RPS6KC1: variants seen among roughly 807,000 people sequenced by gnomAD.
RPS6KC1 encodes inactive ribosomal protein S6 kinase delta-1.
A neutral mutation model predicts 103.8 loss-of-function variants in RPS6KC1; 54 were observed. The observed-to-expected ratio is 0.52, with a 90% confidence interval of 0.42 to 0.65. The LOEUF is 0.65. Among genes scored for constraint, RPS6KC1 ranks in the 30% least tolerant of loss-of-function variants. RPS6KC1 has a pLI of 0.00. For synonymous variants in RPS6KC1, 439 were observed against 438.7 expected (o/e 1.00, Z -0.01); for missense variants, 1,151 against 1,253.8 (o/e 0.92, Z 1.24).
chr1:213,104,727 A>G (rs1266080783), intron 4 of RPS6KC1, among the ~76,000 whole-genome samples, 158 bp downstream of exon 4: 1 of 151,706 alleles, frequency 6.6e-6, no homozygotes, highest in Non-Finnish European at 1.5e-5. Context: ...TCCTATTTTT[A>G]GTATAGAAAT....
the RPS6KC1 span, among the ~76,000 whole-genome samples, chr1:213,605,126 GT>G: frequency 1.6e-3 from 237 of 152,138 alleles, 1 homozygote; most frequent in African/African-American, 5.4e-3. Context: ...CTTCTTGGTA[GT>G]TTTTTTAATT....
the RPS6KC1 span, among the ~76,000 whole-genome samples, chr1:213,296,036 T>C: frequency 6.0e-4 from 92 of 152,314 alleles, no homozygotes; most frequent in African/African-American, 2.1e-3. Context: ...GTAAAAAAAA[T>C]GCCAGTCATT....
intron 7 of RPS6KC1, among the ~76,000 whole-genome samples, chr1:213,168,987 C>A (rs1405121184): frequency 2.0e-5 from 3 of 152,082 alleles, no homozygotes. Flanking sequence ...AATCCCACTT[C>A]TGCATGTCAG....
the RPS6KC1 span, among the ~76,000 whole-genome samples, chr1:213,778,388 C>G: frequency 6.6e-6 from 1 of 152,122 alleles, no homozygotes; most frequent in Non-Finnish European, 1.5e-5. Flanking sequence ...TATGTGGACA[C>G]AAATGCACTT....
At chr1:213,382,491 G>C in the RPS6KC1 span, among the ~76,000 whole-genome samples, 2 of 151,244 alleles carry the variant, frequency 1.3e-5, no homozygotes, top group Non-Finnish European at 2.9e-5. Flanking sequence ...AATATTTCTG[G>C]GATGTAGGGG....
the RPS6KC1 span, among the ~76,000 whole-genome samples, chr1:213,493,641 T>C: frequency 2.0e-5 from 3 of 152,356 alleles, no homozygotes; most frequent in South Asian, 2.1e-4. Context: ...AAAATGTAGA[T>C]ACTAGGGGAG....
chr1:213,266,902 TCAAACAAACAAACAAA>T (rs66700615), intron 14 of RPS6KC1, among the ~76,000 whole-genome samples: 5,644 of 147,910 alleles, frequency 0.038, 326 homozygotes, highest in African/African-American at 0.12. Context: ...AGGCTCCGTC[TCAAACAAACAAACAAA>T]CAAACAAACA....
chr1:213,549,734 C>A, the RPS6KC1 span, among the ~76,000 whole-genome samples: 540 of 151,288 alleles, frequency 3.6e-3, 1 homozygote, highest in African/African-American at 0.013. Context: ...AAGTGTGACC[C>A]TGGGCCAGTT....
the RPS6KC1 span, among the ~76,000 whole-genome samples, chr1:213,733,239 G>T: frequency 4.1e-5 from 6 of 147,136 alleles, no homozygotes; most frequent in African/African-American, 7.5e-5. Flanking sequence ...TTTGGGTTTT[G>T]TTTTTTTTTT....
At chr1:213,205,614 A>G (rs1437569518) in intron 8 of RPS6KC1, among the ~76,000 whole-genome samples, 1 of 141,688 alleles carries the variant, frequency 7.1e-6, no homozygotes, top group Non-Finnish European at 1.5e-5. Flanking sequence ...TAGAATCAGC[A>G]TAGTATTTGA....
At chr1:213,448,426 T>C in the RPS6KC1 span, among the ~76,000 whole-genome samples, 4 of 151,980 alleles carry the variant, frequency 2.6e-5, no homozygotes. Context: ...CACATGCAAG[T>C]TTGAGCCTTC....
intron 12 of RPS6KC1, among the ~76,000 whole-genome samples, chr1:213,253,354 A>C (rs1045420828): frequency 6.6e-6 from 1 of 152,198 alleles, no homozygotes; most frequent in Admixed American, 6.5e-5. Context: ...GTCTTAACAC[A>C]TATCTGTAAA....
chr1:213,371,555 A>T, the RPS6KC1 span, among the ~76,000 whole-genome samples: 2 of 152,126 alleles, frequency 1.3e-5, no homozygotes, highest in African/African-American at 4.8e-5. Context: ...TTACGTTCCC[A>T]CCAACAGTGC....
At chr1:213,576,784 G>A in the RPS6KC1 span, among the ~76,000 whole-genome samples, 12 of 152,132 alleles carry the variant, frequency 7.9e-5, no homozygotes, top group African/African-American at 2.9e-4. Flanking sequence ...AAATGATTAA[G>A]CTTAGTGAGA....
chr1:213,828,682 G>A, the RPS6KC1 span, among the ~76,000 whole-genome samples: 2 of 152,062 alleles, frequency 1.3e-5, no homozygotes, highest in African/African-American at 4.8e-5. Context: ...AAGTTGTCTG[G>A]CCCAACCCCT....
chr1:213,339,538 G>A, the RPS6KC1 span, among the ~76,000 whole-genome samples: 54 of 152,282 alleles, frequency 3.5e-4, no homozygotes, highest in South Asian at 3.3e-3. Context: ...GCGATCATTC[G>A]GTGAGACCAT....
the RPS6KC1 span, among the ~76,000 whole-genome samples, chr1:213,302,798 T>C: frequency 7.9e-5 from 12 of 152,248 alleles, no homozygotes; most frequent in Non-Finnish European, 1.6e-4. Flanking sequence ...TGTGACATGC[T>C]TCTTGGTGCT....
the RPS6KC1 span, among the ~76,000 whole-genome samples, chr1:213,721,339 C>T: frequency 6.6e-6 from 1 of 152,188 alleles, no homozygotes; most frequent in African/African-American, 2.4e-5. Context: ...GGGAGGGACC[C>T]AGTGGGAGAT....
At chr1:213,699,181 A>G in the RPS6KC1 span, among the ~76,000 whole-genome samples, 1 of 152,030 alleles carries the variant, frequency 6.6e-6, no homozygotes, top group South Asian at 2.1e-4. Flanking sequence ...TGTACCCATT[A>G]ACCATCCCCA....
Sources: gnomAD v4.1 joint callset for allele counts (sites outside exome capture counted in the v4.1 genomes callset) on GRCh38, gnomAD v4.1.1 for gene constraint, MANE v1.5 for transcripts, NCBI Gene and HGNC (gene_info 2026-07-23, HGNC 2026-07-21) for gene names.